The following SETDB1 variants were observed in gnomAD, a reference collection of about 807,000 sequenced individuals.
SETDB1 encodes histone-lysine N-methyltransferase SETDB1.
SETDB1 carries 31 observed loss-of-function variants against 137.4 expected under a neutral mutation model. The observed-to-expected ratio is 0.23, with a 90% CI of 0.17 to 0.30. The LOEUF (loss-of-function observed/expected upper bound fraction) is 0.30, where lower values mean the gene tolerates loss of function less well. SETDB1 is among the 10% of genes least tolerant of loss of function. The probability of loss-of-function intolerance (pLI) is 1.00; values close to 1 mark genes in which losing one functional copy is unlikely to be tolerated. For missense variants in SETDB1, 1,113 were observed against 1,631.5 expected, an observed-to-expected ratio of 0.68 and a Z score of 5.47; for synonymous variants, 548 against 579.9, an observed-to-expected ratio of 0.95 and a Z score of 0.79.
Position 150,936,049 on chromosome 1 carries a change from C to T in SETDB1, c.413-3891C>T, listed in dbSNP as rs1486332348. On this transcript the variant is annotated intron_variant, in intron 3 of 21. Transcript: ENST00000692827. ...TCGCCCAGGCTGGAGTGCAATGGCG[C>T]AATCTCGGCTCACTGCAAGCTCCAC... 3.9e-5 allele frequency among the ~76,000 whole-genome samples: 6 copies of T among 152,280 alleles called. No individual in the cohort carries two copies. The South Asian group carries it at 6.2e-4, about 16-fold the overall frequency.
At chr1:150,936,849 T>C (rs929654578) in intron 3 of SETDB1, among the ~76,000 whole-genome samples, 4 of 152,008 alleles carry the variant, frequency 2.6e-5, no homozygotes, top group Non-Finnish European at 4.4e-5. Flanking sequence ...TGTAGGTTGC[T>C]CACAGTGGCT....
chr1:150,929,387 T>A (rs1669651315), intron 2 of SETDB1, among the ~76,000 whole-genome samples: 1 of 150,924 alleles, frequency 6.6e-6, no homozygotes, highest in African/African-American at 2.4e-5. Flanking sequence ...TTTATTTTAT[T>A]TTTTTTTTAG....
At chr1:150,958,832 A>G (rs976474911) in intron 14 of SETDB1, among the ~76,000 whole-genome samples, 6 of 152,026 alleles carry the variant, frequency 3.9e-5, no homozygotes, top group African/African-American at 1.4e-4. Flanking sequence ...GACCGTCCAT[A>G]TAGTGCTTAT....
intron 2 of SETDB1, among the ~76,000 whole-genome samples, chr1:150,929,571 G>A (rs1162976905): frequency 6.6e-6 from 1 of 151,858 alleles, no homozygotes; most frequent in East Asian, 1.9e-4. Flanking sequence ...TAGAGATGGA[G>A]TTTTACCATG....
In SETDB1 at chr1:150,942,666, C is replaced by G. The variant is rs755646375; in HGVS notation, c.651C>G (p.Thr217=). The G allele has an allele frequency of 7.4e-6, 12 of 1,613,106 alleles. No homozygotes were observed. In the Admixed American group the frequency reaches 1.3e-4, roughly 18 times the overall value. Residue 217 remains threonine, a synonymous_variant, in exon 6 of 22, where the codon ACC becomes ACG. Transcript: ENST00000692827. The part of the protein sequence containing the change: ...KKRTKTWHKG[T]LIAIQTVGPG... ...GAACTAAGACTTGGCACAAAGGCAC[C>G]CTTATTGCCATCCAGACAGTTGGTA...
chr1:150,961,280 T>G (rs1378901212), intron 16 of SETDB1, 89 bp downstream of exon 16: 1 of 1,301,970 alleles, frequency 7.7e-7, no homozygotes, highest in African/African-American at 1.5e-5. Flanking sequence ...GCATGTAGAT[T>G]ATTCTACTTG....
intron 2 of SETDB1, among the ~76,000 whole-genome samples, chr1:150,929,719 G>A (rs897077004): frequency 5.9e-5 from 9 of 151,996 alleles, no homozygotes; most frequent in Admixed American, 3.3e-4. Context: ...TAAATAATGA[G>A]GTAAGGGTGA....
Position 150,950,586 on chromosome 1 carries a change from A to G in SETDB1, c.1712A>G (p.Lys571Arg). The G allele has an allele frequency of 1.2e-6, 2 of 1,614,124 alleles. No homozygotes were observed. The highest frequency in any genetic ancestry group is 1.7e-6 in the Non-Finnish European group (2 of 1,180,044). The change falls in exon 13 of 22, where the codon AAG (lysine) becomes AGG (arginine). Residue 571 changes from lysine (K) to arginine (R), a missense_variant. Around this residue, in one of 11 missense-constraint regions of SETDB1, gnomAD observed 192 missense variants for 198.1 expected, o/e 0.97. Coordinates refer to ENST00000692827, the MANE Select transcript of SETDB1 (RefSeq NM_001366418.1). ...CCCTCCTACCGTGCTCCCATGGAGA[A>G]GCTTTTCTACTTACCTCATGTCTGC... is the stretch of plus-strand genomic sequence containing the variant. ...AEPSYRAPME[K>R]LFYLPHVCSY... is the part of the protein sequence containing the mutation.
chr1:150,963,958 C>T, intron 20 of SETDB1, 37 bp from the exon 21 acceptor site: 1 of 1,584,112 alleles, frequency 6.3e-7, no homozygotes, highest in Non-Finnish European at 8.7e-7. Flanking sequence ...GGTTCAGTTT[C>T]CCTGGTTCTT....
At chr1:150,961,524 G>C (rs1448741985) in intron 16 of SETDB1, 1 of 302,096 alleles carries the variant, frequency 3.3e-6, no homozygotes, top group Middle Eastern at 1.2e-3. Context: ...GCGTGGTGGT[G>C]CATGCCTGTA....
intron 19 of SETDB1, 118 bp downstream of exon 19, chr1:150,963,257 A>G (rs993193417): frequency 3.1e-6 from 3 of 965,098 alleles, no homozygotes; most frequent in Middle Eastern, 2.2e-4. Context: ...GAATTGGAGC[A>G]TCTCTGGGAG....
intron 15 of SETDB1, 131 bp from the exon 16 acceptor site, chr1:150,960,432 G>C (rs193135511): frequency 1.4e-6 from 1 of 717,488 alleles, no homozygotes; most frequent in South Asian, 1.9e-5. Context: ...AGCCGAGATC[G>C]CGCCACTGCA....
At chr1:150,934,223 A>G (rs61819168) in intron 3 of SETDB1, among the ~76,000 whole-genome samples, 1 of 152,296 alleles carries the variant, frequency 6.6e-6, no homozygotes, top group East Asian at 1.9e-4. Context: ...CTGTAATCCC[A>G]GCACTTTGGG....
intron 3 of SETDB1, among the ~76,000 whole-genome samples, chr1:150,932,760 T>C (rs944572955): frequency 6.6e-6 from 1 of 152,206 alleles, no homozygotes; most frequent in Non-Finnish European, 1.5e-5. Flanking sequence ...ACAGGATTGA[T>C]TTTAGACCTT....
At chr1:150,928,815 A>T (rs1394914507) in intron 2 of SETDB1, among the ~76,000 whole-genome samples, 1 of 152,044 alleles carries the variant, frequency 6.6e-6, no homozygotes, top group East Asian at 1.9e-4. Flanking sequence ...TCATTGTTCA[A>T]TTCCCACCTA....
intron 16 of SETDB1, 163 bp downstream of exon 16, chr1:150,961,354 T>G (rs1483504484): frequency 4.9e-5 from 37 of 752,682 alleles, no homozygotes; most frequent in Non-Finnish European, 6.9e-5. Context: ...AGTGTTTGTT[T>G]AAAGAACCAA....
chr1:150,944,351 G>A (rs1670256681), intron 8 of SETDB1, among the ~76,000 whole-genome samples: 2 of 152,170 alleles, frequency 1.3e-5, no homozygotes, highest in Non-Finnish European at 2.9e-5. Context: ...GTATAAATGT[G>A]TAGTCTGCAT....
chr1:150,927,552 A>G (rs1558008342), intron 1 of SETDB1, among the ~76,000 whole-genome samples, 152 bp from the exon 2 acceptor site: 2 of 152,246 alleles, frequency 1.3e-5, no homozygotes, highest in East Asian at 3.8e-4. Flanking sequence ...TCTCAGCATC[A>G]GATTCTGGAG....
intron 3 of SETDB1, among the ~76,000 whole-genome samples, chr1:150,936,938 A>G (rs587630825): frequency 1.3e-5 from 2 of 152,346 alleles, no homozygotes; most frequent in South Asian, 4.1e-4. Context: ...CAGCCTGGCC[A>G]GTATGGCGAA....
Sources: allele counts gnomAD v4.1 joint callset (sites outside exome capture counted in the v4.1 genomes callset), GRCh38; gene constraint gnomAD v4.1.1; regional missense constraint gnomAD v4.1.1; transcripts MANE v1.5; gene names NCBI Gene and HGNC (gene_info 2026-07-23, HGNC 2026-07-21).